ANKRD44: variants seen among roughly 807,000 people sequenced by gnomAD.
The protein encoded by ANKRD44 is ankyrin repeat domain 44.
A neutral mutation model predicts 116.0 loss-of-function variants in ANKRD44; 35 were observed. The observed-to-expected ratio is 0.30, with a 90% CI of 0.23 to 0.40. The LOEUF is 0.40. Among genes scored for constraint, ANKRD44 ranks in the 10% least tolerant of loss-of-function variants. The pLI is 1.00. For synonymous variants in ANKRD44, 435 were observed against 461.8 expected (o/e 0.94, Z 0.74); for missense variants, 1,014 against 1,242.6 (o/e 0.82, Z 2.77).
At chr2:197,186,612 C>CTTTCTTTTTT (rs2080671746) in intron 2 of ANKRD44, among the ~76,000 whole-genome samples, 1 of 50,808 alleles carries the variant, frequency 2.0e-5, no homozygotes, top group Admixed American at 3.7e-4. Flanking sequence ...GCTAATTTTT[C>CTTTCTTTTTT]TTTTTTTTTT....
chr2:197,299,047 C>T (rs540660797), intron 1 of ANKRD44, among the ~76,000 whole-genome samples: 194 of 152,316 alleles, frequency 1.3e-3, no homozygotes, highest in African/African-American at 4.0e-3. Context: ...AGTCAGTATT[C>T]AAATTTCCCC....
In ANKRD44 at chr2:197,248,300, C is replaced by A. The variant is rs2082236432; in HGVS notation, c.28-61194G>T. Among the ~76,000 whole-genome samples, 3 of 151,936 alleles carry A rather than the reference C, an allele frequency of 2.0e-5. 1 individual carries two copies. In the South Asian group the frequency reaches 6.2e-4, roughly 32 times the overall value. ...AAAAACCTGAATAGAAAAAAAAAGACTGGCCATCCCAAGCAAGACGGACTT... is the reference window on the plus strand; with the variant it reads ...AAAAACCTGAATAGAAAAAAAAAGAATGGCCATCCCAAGCAAGACGGACTT... On this transcript the variant is annotated intron_variant, in intron 1 of 27. Coordinates refer to ENST00000282272, the MANE Select transcript of ANKRD44 (RefSeq NM_001195144.2).
At chr2:196,991,874 G>A (rs1164085195) in intron 27 of ANKRD44, among the ~76,000 whole-genome samples, 1 of 152,002 alleles carries the variant, frequency 6.6e-6, no homozygotes, top group Non-Finnish European at 1.5e-5. Context: ...TTAAAGGCGT[G>A]AGCCATCACA....
intron 21 of ANKRD44, among the ~76,000 whole-genome samples, chr2:196,972,083 C>T (rs1463073479): frequency 1.3e-5 from 2 of 152,108 alleles, no homozygotes; most frequent in Non-Finnish European, 1.5e-5. Context: ...ACATGCAAGA[C>T]TCCTCTCAGT....
chr2:197,263,530 A>C, intron 1 of ANKRD44: 4 of 347,292 alleles, frequency 1.2e-5, no homozygotes, highest in East Asian at 6.5e-5. Context: ...CCTCTTCCCC[A>C]TGTGAAGCAG....
Position 197,142,938 on chromosome 2 carries a change from G to A in ANKRD44, c.190+4089C>T, listed in dbSNP as rs538172791. 1.6e-3 allele frequency among the ~76,000 whole-genome samples: 243 copies of A among 149,972 alleles called. 1 individual carries two copies. The highest frequency in any genetic ancestry group is 5.8e-3 in the African/African-American group (238 of 40,774). ...GAGGATCACTTGAGGCCAGAAGTTC[G>A]AGACCAGCCTGATCAACCTAGCAAG... On this transcript the variant is annotated intron_variant, in intron 3 of 27. Transcript: ENST00000282272.
At chr2:197,068,342 C>A (rs2077480331) in intron 16 of ANKRD44, among the ~76,000 whole-genome samples, 2 of 132,004 alleles carry the variant, frequency 1.5e-5, no homozygotes, top group Admixed American at 1.6e-4. Flanking sequence ...GCACATGTAC[C>A]CTAAAACTTA....
chr2:197,220,172 T>C, intron 1 of ANKRD44, among the ~76,000 whole-genome samples: 1 of 152,230 alleles, frequency 6.6e-6, no homozygotes, highest in East Asian at 1.9e-4. Flanking sequence ...CCTTTCTTTG[T>C]GGCAGGCCTT....
intron 1 of ANKRD44, among the ~76,000 whole-genome samples, chr2:197,234,574 T>A (rs956253128): frequency 6.6e-6 from 1 of 152,224 alleles, no homozygotes; most frequent in Non-Finnish European, 1.5e-5. Flanking sequence ...TTTTTTAAAA[T>A]TTTCTAGATT....
At chr2:197,164,197 C>T (rs1282061710) in intron 2 of ANKRD44, among the ~76,000 whole-genome samples, 1 of 152,202 alleles carries the variant, frequency 6.6e-6, no homozygotes, top group Non-Finnish European at 1.5e-5. Context: ...TTTATTCCCA[C>T]CTGGCTGAGT....
intron 10 of ANKRD44, among the ~76,000 whole-genome samples, chr2:197,097,579 C>T (rs1386109846): frequency 1.3e-5 from 2 of 152,204 alleles, no homozygotes; most frequent in Non-Finnish European, 2.9e-5. Context: ...AGACATCCCA[C>T]TGCTAATACT....
At chr2:197,288,634 C>T (rs993419373) in intron 1 of ANKRD44, among the ~76,000 whole-genome samples, 6 of 150,142 alleles carry the variant, frequency 4.0e-5, no homozygotes, top group Non-Finnish European at 7.4e-5. Context: ...TATATATACA[C>T]ATACACACGT....
intron 1 of ANKRD44, among the ~76,000 whole-genome samples, chr2:197,269,304 G>C (rs1559203636): frequency 6.6e-6 from 1 of 152,152 alleles, no homozygotes; most frequent in Admixed American, 6.5e-5. Context: ...GAGCAGTAAG[G>C]CTCCTCTCTC....
chr2:197,003,598 A>C (rs1305621632), intron 21 of ANKRD44, among the ~76,000 whole-genome samples: 1 of 152,168 alleles, frequency 6.6e-6, no homozygotes, highest in Non-Finnish European at 1.5e-5. Flanking sequence ...CAAAGGCTGC[A>C]CTGAAAGGGT....
chr2:197,296,847 A>T (rs1404536008), intron 1 of ANKRD44, among the ~76,000 whole-genome samples: 5 of 152,214 alleles, frequency 3.3e-5, no homozygotes, highest in Non-Finnish European at 7.3e-5. Context: ...TGTATCTTTC[A>T]TCTAACTTTT....
At chr2:197,296,415 T>G (rs1352498652) in intron 1 of ANKRD44, 1 of 152,196 alleles carries the variant, frequency 6.6e-6, no homozygotes, top group African/African-American at 2.4e-5. Context: ...ACTCCCAAGA[T>G]ATAAGTGTCA....
chr2:197,207,514 A>G (rs1483117966), intron 1 of ANKRD44, among the ~76,000 whole-genome samples: 1 of 152,186 alleles, frequency 6.6e-6, no homozygotes, highest in Non-Finnish European at 1.5e-5. Flanking sequence ...GCCAGCAGAG[A>G]AAAACATATA....
At chr2:197,238,263 T>C (rs939344164) in intron 1 of ANKRD44, among the ~76,000 whole-genome samples, 1 of 152,160 alleles carries the variant, frequency 6.6e-6, no homozygotes, top group African/African-American at 2.4e-5. Flanking sequence ...GGCTGGCCTA[T>C]AGTAGGCACT....
At chr2:197,218,567 T>C (rs1359657476) in intron 1 of ANKRD44, among the ~76,000 whole-genome samples, 2 of 152,040 alleles carry the variant, frequency 1.3e-5, no homozygotes, top group Admixed American at 1.3e-4. Flanking sequence ...AAGCCACCCA[T>C]GACACATCCT....
Sources: gnomAD v4.1 joint callset for allele counts (sites outside exome capture counted in the v4.1 genomes callset) on GRCh38, gnomAD v4.1.1 for gene constraint, MANE v1.5 for transcripts, NCBI Gene and HGNC (gene_info 2026-07-23, HGNC 2026-07-21) for gene names.